The following HEPHL1 variants were observed in gnomAD, a reference collection of about 807,000 sequenced individuals.
The protein encoded by HEPHL1 is hephaestin like 1, also known as ferroxidase HEPHL1.
HEPHL1 carries 123 observed loss-of-function variants against 122.0 expected under a neutral mutation model. That is an observed-to-expected ratio of 1.01 (90% CI 0.87 to 1.17). The LOEUF (loss-of-function observed/expected upper bound fraction) is 1.17. Among genes scored for constraint, HEPHL1 ranks in the 50% most tolerant of loss-of-function variants. The probability of loss-of-function intolerance (pLI) is 0.00; values close to 1 mark genes in which losing one functional copy is unlikely to be tolerated. For missense variants in HEPHL1, 1,452 were observed against 1,430.5 expected, an observed-to-expected ratio of 1.01 and a Z score of -0.24; for synonymous variants, 527 against 508.9, an observed-to-expected ratio of 1.04 and a Z score of -0.48.
chr11:94,106,223 G>A, intron 17 of HEPHL1, 93 bp downstream of exon 17: 1 of 956,474 alleles, frequency 1.0e-6, no homozygotes, highest in Non-Finnish European at 1.5e-6. Context: ...TGGCAATAAT[G>A]CTTGTGAGGA....
At chr11:94,077,678 C>T (rs1752470960) in intron 9 of HEPHL1, among the ~76,000 whole-genome samples, 1 of 152,210 alleles carries the variant, frequency 6.6e-6, no homozygotes, top group South Asian at 2.1e-4. Context: ...TCAACACTTC[C>T]AGTGGTTTCC....
intron 2 of HEPHL1, among the ~76,000 whole-genome samples, chr11:94,053,922 C>G (rs1449911946): frequency 6.6e-6 from 1 of 152,156 alleles, no homozygotes; most frequent in African/African-American, 2.4e-5. Context: ...AGGGTATATT[C>G]TACAGTTATT....
At chr11:94,072,924 G>A in intron 6 of HEPHL1, 101 bp from the exon 7 acceptor site, 2 of 1,079,924 alleles carry the variant, frequency 1.9e-6, no homozygotes, top group Middle Eastern at 2.2e-4. Context: ...GGGGACATGG[G>A]TGGGCGAGTG....
chr11:94,089,052 TC>T, intron 12 of HEPHL1, 84 bp downstream of exon 12: 1 of 1,238,186 alleles, frequency 8.1e-7, no homozygotes, highest in Non-Finnish European at 1.2e-6. Context: ...CCCTGCAAAT[TC>T]CCAGGTTGTG....
intron 10 of HEPHL1, among the ~76,000 whole-genome samples, chr11:94,085,104 C>T (rs1163841964): frequency 1.3e-5 from 2 of 152,048 alleles, no homozygotes; most frequent in Non-Finnish European, 2.9e-5. Context: ...TTTATTTCTC[C>T]AAGAAACATC....
Position 94,063,509 on chromosome 11 carries a change from AG to A in HEPHL1, c.418del (p.Ala140ProfsTer29). The A allele has an allele frequency of 6.3e-7, 1 of 1,596,724 alleles. No individual in the cohort carries two copies. The highest frequency in any genetic ancestry group is 8.5e-7 in the Non-Finnish European group (1 of 1,170,890). On this transcript the variant is annotated frameshift_variant and splice_region_variant, in exon 3 of 20. Transcript: ENST00000315765. LOFTEE classifies it high-confidence loss of function. ...GVFYNKDSEG[A>X]LYPDGTSGRN... is the part of the protein sequence containing the mutation. Reference sequence around the variant, plus strand: ...TTTTTTAATTTTATTTTTTGGAAGGAGCCCTATACCCAGATGGAACATCTGG... The same window carrying A: ...TTTTTTAATTTTATTTTTTGGAAGGACCCTATACCCAGATGGAACATCTGG...
At chr11:94,037,126 G>C (rs1336499594) in intron 1 of HEPHL1, among the ~76,000 whole-genome samples, 1 of 152,108 alleles carries the variant, frequency 6.6e-6, no homozygotes, top group Non-Finnish European at 1.5e-5. Context: ...CTGGAAAATC[G>C]GGTCACTCCC....
chr11:94,110,834 CTTCT>C, intron 17 of HEPHL1, 65 bp from the exon 18 acceptor site: 1 of 1,303,516 alleles, frequency 7.7e-7, no homozygotes, highest in Non-Finnish European at 1.0e-6. Flanking sequence ...TGTTTTTGCT[CTTCT>C]TTCTGTTCTT....
intron 9 of HEPHL1, among the ~76,000 whole-genome samples, chr11:94,081,283 G>A (rs1338058366): frequency 6.6e-6 from 1 of 152,172 alleles, no homozygotes; most frequent in Non-Finnish European, 1.5e-5. Context: ...AACACACACT[G>A]CGGCTTGTGG....
chr11:94,105,054 T>A (rs1417297386), intron 16 of HEPHL1, among the ~76,000 whole-genome samples: 1 of 152,256 alleles, frequency 6.6e-6, no homozygotes, highest in Admixed American at 6.5e-5. Context: ...GTCATATTTT[T>A]ATAAGAATAT....
intron 6 of HEPHL1, 35 bp from the exon 7 acceptor site, chr11:94,072,990 G>T: frequency 6.3e-7 from 1 of 1,597,122 alleles, no homozygotes; most frequent in Non-Finnish European, 8.6e-7. Context: ...GATATGTTGA[G>T]AAGTGTCCTC....
At chr11:94,082,704 T>G (rs911745684) in intron 10 of HEPHL1, 136 bp downstream of exon 10, 10 of 752,226 alleles carry the variant, frequency 1.3e-5, no homozygotes, top group Non-Finnish European at 1.9e-5. Flanking sequence ...ATTTCATGCC[T>G]TCAGCTTTAG....
rs530059350 is a variant in HEPHL1 at position 94,111,779 on chromosome 11, T to G, written c.3365T>G (p.Ile1122Ser). The G allele has an allele frequency of 6.3e-7, 1 of 1,594,966 alleles. No individual in the cohort carries two copies. The highest frequency in any genetic ancestry group is 1.3e-5 in the African/African-American group (1 of 74,398). The part of the protein sequence containing the change: ...AKAALVILFI[I>S]GLLLLITTVI... Reference sequence around the variant, plus strand: ...GCAGCCTTGGTCATCCTTTTCATCATTGGACTCCTCCTTCTAATCACCACG... The same window carrying G: ...GCAGCCTTGGTCATCCTTTTCATCAGTGGACTCCTCCTTCTAATCACCACG... The change falls in exon 20 of 20, where the codon ATT becomes AGT. Residue 1122 changes from isoleucine (I) to serine (S), a missense_variant. Ile to Ser is a moderately radical substitution (Grantham distance 142, BLOSUM62 -2). Coordinates refer to ENST00000315765, the MANE Select transcript of HEPHL1 (RefSeq NM_001098672.2).
chr11:94,075,438 C>T (rs996929530), intron 9 of HEPHL1, 53 bp downstream of exon 9: 46 of 1,283,376 alleles, frequency 3.6e-5, no homozygotes, highest in Middle Eastern at 2.6e-4. Flanking sequence ...GGGAGAGATC[C>T]GCAAGAGCCA....
intron 12 of HEPHL1, among the ~76,000 whole-genome samples, chr11:94,091,381 G>A (rs1555066724): frequency 6.6e-6 from 1 of 152,194 alleles, no homozygotes; most frequent in Non-Finnish European, 1.5e-5. Flanking sequence ...GGAGAAAGCT[G>A]GGAAACGGTG....
At position 94,112,425 on chromosome 11, in the gene HEPHL1, A is replaced by G. The variant is rs1162722473; in HGVS notation, c.*531A>G. On this transcript the variant is annotated 3_prime_UTR_variant, in exon 20 of 20. Coordinates refer to ENST00000315765, the MANE Select transcript of HEPHL1 (RefSeq NM_001098672.2). ...CAGTGTCTGCTGATAGAATTAGACC[A>G]AATAAATTTTTTGGAGGCTTTAACC... The G allele has an allele frequency of 1.3e-5, 2 of 152,246 alleles. No individual in the cohort carries two copies. Among genetic ancestry groups the G allele is most frequent in the Non-Finnish European group, 2.9e-5 (2 of 68,048 alleles). The allele number at this position is 152,246 out of a possible 1,614,324, so 9.4% of individuals were successfully genotyped here.
chr11:94,082,560 G>A lies in HEPHL1; in HGVS notation c.1859G>A (p.Arg620Gln), dbSNP rs960176530. 14 of 1,608,404 alleles carry A rather than the reference G, an allele frequency of 8.7e-6. No individual in the cohort carries two copies. Among genetic ancestry groups the A allele is most frequent in the Middle Eastern group, 1.6e-4 (1 of 6,064 alleles). ...KEDKEFVKSN[R>Q]MHAVNGYMYG... The stretch of plus-strand genomic sequence containing the variant: ...GATAAAGAGTTTGTGAAATCCAACC[G>A]AATGCATGGTATGACAAATGACATT... The change falls in exon 10 of 20, where the codon CGA becomes CAA. Residue 620 changes from arginine to glutamine, a missense_variant. By Grantham distance (43) the Arg-to-Gln change is conservative. Transcript: ENST00000315765.
intron 4 of HEPHL1, among the ~76,000 whole-genome samples, chr11:94,066,357 C>T (rs1176455051): frequency 6.6e-6 from 1 of 152,184 alleles, no homozygotes; most frequent in African/African-American, 2.4e-5. Flanking sequence ...GAGTTCAAGA[C>T]CAGCCTGGCC....
intron 11 of HEPHL1, 146 bp from the exon 12 acceptor site, chr11:94,088,609 C>G (rs1429032823): frequency 1.6e-6 from 1 of 629,512 alleles, no homozygotes; most frequent in East Asian, 2.7e-5. Flanking sequence ...CCCCTGGGGT[C>G]TGATTTTAAA....
Sources: gnomAD v4.1 joint callset for allele counts (sites outside exome capture counted in the v4.1 genomes callset) on GRCh38, gnomAD v4.1.1 for gene constraint, MANE v1.5 for transcripts, NCBI Gene and HGNC (gene_info 2026-07-23, HGNC 2026-07-21) for gene names.